Variants in ZNF512 observed in about 807,000 individuals in gnomAD.
ZNF512 encodes the protein zinc finger protein 512.
Under a neutral mutation model 77.5 loss-of-function variants are expected in ZNF512, and 25 were observed. The observed-to-expected ratio is 0.32, with a 90% CI of 0.23 to 0.45. ZNF512 has a LOEUF of 0.45. Among genes scored for constraint, ZNF512 ranks in the 20% least tolerant of loss-of-function variants. The pLI is 1.00. For missense variants in ZNF512, 483 were observed against 692.6 expected, an observed-to-expected ratio of 0.70 and a Z score of 3.40; for synonymous variants, 246 against 239.9, an observed-to-expected ratio of 1.03 and a Z score of -0.24.
chr2:27,621,044 TCTTA>T, intron 13 of ZNF512, 105 bp from the exon 14 acceptor site: 1 of 1,244,818 alleles, frequency 8.0e-7, no homozygotes, highest in South Asian at 1.5e-5. Context: ...TCTGTTTCCT[TCTTA>T]CTGTGTTCTG....
chr2:27,603,581 T>TGTGTGTGTGTGTGTGTGTGTGTGA (rs1672220669), intron 9 of ZNF512, among the ~76,000 whole-genome samples: 1 of 93,168 alleles, frequency 1.1e-5, no homozygotes, highest in Non-Finnish European at 2.0e-5. Flanking sequence ...ATAGTGTGTG[T>TGTGTGTGTGTGTGTGTGTGTGTGA]GTGTGTATAT....
At chr2:27,606,013 G>C (rs143225884) in intron 9 of ZNF512, among the ~76,000 whole-genome samples, 1 of 152,126 alleles carries the variant, frequency 6.6e-6, no homozygotes, top group Non-Finnish European at 1.5e-5. Flanking sequence ...TAATAGGTAC[G>C]TAGTAGTACT....
chr2:27,617,600 A>C, intron 13 of ZNF512, 29 bp downstream of exon 13: 1 of 835,446 alleles, frequency 1.2e-6, no homozygotes, highest in Non-Finnish European at 2.1e-6. Context: ...TGTGGGCCTG[A>C]TATGTAAGCC....
At chr2:27,599,548 C>T (rs771335392) in intron 3 of ZNF512, 35 bp from the exon 4 acceptor site, 5 of 1,518,470 alleles carry the variant, frequency 3.3e-6, no homozygotes, top group Non-Finnish European at 4.6e-6. Flanking sequence ...ACAAAGTGTG[C>T]TGAGTTTTTG....
chr2:27,599,403 G>A (rs1672018013), intron 3 of ZNF512, among the ~76,000 whole-genome samples, 180 bp from the exon 4 acceptor site: 1 of 145,800 alleles, frequency 6.9e-6, no homozygotes, highest in African/African-American at 2.5e-5. Flanking sequence ...AGGGAGAGTG[G>A]GTCAGTTAAT....
intron 6 of ZNF512, 48 bp downstream of exon 6, chr2:27,600,863 C>A (rs1421552312): frequency 6.3e-7 from 1 of 1,590,406 alleles, no homozygotes; most frequent in African/African-American, 1.4e-5. Context: ...TTTACCCAAA[C>A]TTTAGACTTC....
In ZNF512 at chr2:27,591,861, C is replaced by G. The variant is rs958113562; in HGVS notation, c.90-6206C>G. On this transcript the variant is annotated intron_variant, in intron 2 of 13. Transcript: ENST00000355467. ...TTCGATTTTAAAGATACTGTACTGC[C>G]TTGTGGCATTCTTGGTTTCTGTTGA... is the stretch of plus-strand genomic sequence containing the variant. 7.9e-5 allele frequency among the ~76,000 whole-genome samples: 12 copies of G among 152,310 alleles called. No homozygotes were observed. In the East Asian group the frequency reaches 2.3e-3, roughly 29 times the overall value.
intron 2 of ZNF512, among the ~76,000 whole-genome samples, chr2:27,591,501 G>A (rs1055766245): frequency 1.3e-5 from 2 of 152,000 alleles, no homozygotes; most frequent in Non-Finnish European, 2.9e-5. Flanking sequence ...TGCAACCTCC[G>A]CCTCCCGGGT....
chr2:27,611,566 T>C (rs1672665959), intron 10 of ZNF512, among the ~76,000 whole-genome samples: 1 of 152,172 alleles, frequency 6.6e-6, no homozygotes, highest in Admixed American at 6.5e-5. Flanking sequence ...AGTATCTCAA[T>C]GGCAAAACTA....
intron 11 of ZNF512, 73 bp downstream of exon 11, chr2:27,615,342 T>A: frequency 1.0e-6 from 1 of 994,274 alleles, no homozygotes; most frequent in South Asian, 1.8e-5. Flanking sequence ...ATTTATTCCT[T>A]CATGACAAAG....
In ZNF512 at chr2:27,621,395, G is replaced by A. The variant is rs1572941340; in HGVS notation, c.1638G>A (p.Glu546=). 6.2e-7 allele frequency: 1 copy of A among 1,613,892 alleles called. No individual in the cohort carries two copies. Residue 546 remains glutamate (E), a synonymous_variant, in exon 14 of 14, where the codon GAG becomes GAA. Transcript: ENST00000355467. The part of the protein sequence containing the change: ...VSASCKEPEQ[E]PVPAQFQKVK... ...CCTCCTGTAAGGAACCAGAGCAGGA[G>A]CCAGTGCCAGCACAGTTCCAGAAAG...
intron 2 of ZNF512, among the ~76,000 whole-genome samples, chr2:27,594,500 G>A (rs1362381008): frequency 2.0e-5 from 3 of 148,162 alleles, no homozygotes; most frequent in South Asian, 2.2e-4. Flanking sequence ...CAGACAGGGC[G>A]GCCGGGCAGA....
chr2:27,599,492 A>G (rs1183672254), intron 3 of ZNF512, 91 bp from the exon 4 acceptor site: 6 of 911,906 alleles, frequency 6.6e-6, no homozygotes, highest in Non-Finnish European at 8.8e-6. Context: ...TTTCCTTTTG[A>G]TGGTCTTGTG....
At chr2:27,599,921 G>T (rs762125444) in intron 4 of ZNF512, 49 bp from the exon 5 acceptor site, 3 of 1,599,156 alleles carry the variant, frequency 1.9e-6, no homozygotes, top group African/African-American at 1.3e-5. Context: ...AGAGATTTTG[G>T]TATTAGCAAG....
chr2:27,602,387 C>G, intron 7 of ZNF512, 76 bp from the exon 8 acceptor site: 1 of 1,429,022 alleles, frequency 7.0e-7, no homozygotes. Context: ...ATCCTTGATT[C>G]TCCTCTGATA....
intron 10 of ZNF512, among the ~76,000 whole-genome samples, chr2:27,612,630 C>T (rs552572985): frequency 1.3e-5 from 2 of 152,102 alleles, no homozygotes; most frequent in African/African-American, 4.8e-5. Flanking sequence ...CAGTGAGAAA[C>T]GTGGTTCTGA....
intron 8 of ZNF512, 108 bp downstream of exon 8, chr2:27,602,669 C>A: frequency 3.5e-6 from 3 of 852,134 alleles, no homozygotes; most frequent in Non-Finnish European, 5.2e-6. Flanking sequence ...TAGTTCTGTA[C>A]TATCTTGGTC....
intron 2 of ZNF512, among the ~76,000 whole-genome samples, chr2:27,589,605 G>C (rs1271314173): frequency 6.6e-6 from 1 of 151,854 alleles, no homozygotes; most frequent in Non-Finnish European, 1.5e-5. Context: ...CTTTTCTTTG[G>C]TTTACTTTGC....
At chr2:27,621,049 C>A (rs1432746992) in intron 13 of ZNF512, 104 bp from the exon 14 acceptor site, 3 of 1,288,450 alleles carry the variant, frequency 2.3e-6, no homozygotes, top group Admixed American at 2.4e-5. Flanking sequence ...TTCCTTCTTA[C>A]TGTGTTCTGC....
Sources: gnomAD v4.1 joint callset for allele counts (sites outside exome capture counted in the v4.1 genomes callset) on GRCh38, gnomAD v4.1.1 for gene constraint, MANE v1.5 for transcripts, NCBI Gene and HGNC (gene_info 2026-07-23, HGNC 2026-07-21) for gene names.